NOSTRIN: variants seen among roughly 807,000 people sequenced by gnomAD.
NOSTRIN encodes BM247 homolog.
NOSTRIN carries 63 observed loss-of-function variants against 59.0 expected under a neutral mutation model. That is an observed-to-expected ratio of 1.07 (90% CI 0.87 to 1.32). The LOEUF (loss-of-function observed/expected upper bound fraction) is 1.32. Among genes scored for constraint, NOSTRIN ranks in the 40% most tolerant of loss-of-function variants. NOSTRIN has a pLI of 0.00. For synonymous variants in NOSTRIN, 200 were observed against 165.4 expected (o/e 1.21, Z -1.61); for missense variants, 512 against 473.1 (o/e 1.08, Z -0.76).
intron 7 of NOSTRIN, 139 bp from the exon 8 acceptor site, chr2:168,842,853 G>T: frequency 1.1e-5 from 7 of 628,026 alleles, no homozygotes; most frequent in South Asian, 2.9e-5. Context: ...CTTTCATTTT[G>T]TCAACTATAG....
At chr2:168,813,611 G>T (rs1465775657) in intron 2 of NOSTRIN, among the ~76,000 whole-genome samples, 27 of 152,160 alleles carry the variant, frequency 1.8e-4, no homozygotes, top group Admixed American at 5.9e-4. Context: ...TTATTCTAGA[G>T]TGACAAACAT....
At chr2:168,864,705 T>C in intron 15 of NOSTRIN, 129 bp from the exon 16 acceptor site, 5 of 1,041,050 alleles carry the variant, frequency 4.8e-6, no homozygotes, top group Non-Finnish European at 7.0e-6. Context: ...TGGCTTCATC[T>C]GAATCAAGTG....
At chr2:168,828,636 T>TA (rs1367405447) in intron 5 of NOSTRIN, 135 bp downstream of exon 5, 4 of 394,616 alleles carry the variant, frequency 1.0e-5, no homozygotes, top group Non-Finnish European at 1.8e-5. Flanking sequence ...TACTTTTATT[T>TA]ATTTTAAAAT....
intron 10 of NOSTRIN, among the ~76,000 whole-genome samples, chr2:168,853,027 G>T (rs1253658132): frequency 6.6e-6 from 1 of 152,146 alleles, no homozygotes; most frequent in East Asian, 1.9e-4. Flanking sequence ...TCAATAAAAT[G>T]AGGATTATTC....
chr2:168,805,916 G>A (rs532109497), intron 1 of NOSTRIN, among the ~76,000 whole-genome samples: 3 of 152,318 alleles, frequency 2.0e-5, no homozygotes, highest in South Asian at 4.1e-4. Context: ...AGCCTCCCCA[G>A]TGTGCATCAG....
chr2:168,848,220 C>G (rs1688542827), intron 8 of NOSTRIN, among the ~76,000 whole-genome samples: 2 of 152,198 alleles, frequency 1.3e-5, no homozygotes, highest in Non-Finnish European at 2.9e-5. Context: ...TTTTAAGAAG[C>G]AAAACATTTG....
chr2:168,845,790 CTTTTTTT>C (rs3216710), intron 8 of NOSTRIN, among the ~76,000 whole-genome samples: 3 of 140,630 alleles, frequency 2.1e-5, no homozygotes, highest in Non-Finnish European at 4.6e-5. Flanking sequence ...TTTTTTCTTC[CTTTTTTT>C]TTTTTTTTTT....
chr2:168,849,022 A>G (rs1688590912), intron 8 of NOSTRIN, among the ~76,000 whole-genome samples: 1 of 152,224 alleles, frequency 6.6e-6, no homozygotes, highest in African/African-American at 2.4e-5. Flanking sequence ...TGAATTAACA[A>G]CACAGGGATA....
chr2:168,862,819 C>T lies in NOSTRIN; in HGVS notation c.1384+770C>T, dbSNP rs16856065. Among the ~76,000 whole-genome samples, 751 of 152,170 alleles carry T rather than the reference C, an allele frequency of 4.9e-3. 9 individuals are homozygous for T. The East Asian group carries it at 0.055, about 11-fold the overall frequency. Reference sequence around the variant, plus strand: ...TAGCGCTAATGCAGAGATCTGGAAACGGAAGGGTTAGTGAGAAAGAGTAAC... The same window carrying T: ...TAGCGCTAATGCAGAGATCTGGAAATGGAAGGGTTAGTGAGAAAGAGTAAC... On this transcript the variant is annotated intron_variant, in intron 15 of 15. Coordinates refer to ENST00000317647, the MANE Select transcript of NOSTRIN (RefSeq NM_001039724.4).
rs1483148468 is a variant in NOSTRIN, at chr2:168,861,951, C to T, written c.1295-9C>T. On this transcript the variant is annotated splice_polypyrimidine_tract_variant and intron_variant, in intron 14 of 15. Transcript: ENST00000317647. ...CACAGCATACTAATTACAGCTTTAT[C>T]TATTTCAGCCCCTGGTGCAGCCCAG... The T allele has an allele frequency of 1.9e-6, 3 of 1,613,586 alleles. No homozygotes were observed. Among genetic ancestry groups the T allele is most frequent in the Non-Finnish European group, 2.5e-6 (3 of 1,179,636 alleles).
upstream of NOSTRIN, among the ~76,000 whole-genome samples, chr2:168,794,353 A>ATTTT (rs61395235): frequency 6.9e-3 from 983 of 141,624 alleles, 8 homozygotes; most frequent in Non-Finnish European, 9.7e-3. Flanking sequence ...AAAAGGGATG[A>ATTTT]TTTTTTTTTT....
upstream of NOSTRIN, among the ~76,000 whole-genome samples, chr2:168,794,890 G>A (rs556907033): frequency 3.3e-5 from 5 of 152,310 alleles, no homozygotes; most frequent in African/African-American, 1.2e-4. Context: ...ACTGCACCTG[G>A]CTCTTAGTAA....
intron 11 of NOSTRIN, 93 bp downstream of exon 11, chr2:168,855,553 G>A (rs546912471): frequency 2.6e-5 from 15 of 573,040 alleles, no homozygotes; most frequent in Non-Finnish European, 4.2e-5. Context: ...TTTGCTATTT[G>A]GCAGGGGTCT....
At chr2:168,831,681 A>G in intron 6 of NOSTRIN, 147 bp downstream of exon 6, 1 of 594,948 alleles carries the variant, frequency 1.7e-6, no homozygotes, top group Non-Finnish European at 3.1e-6. Context: ...GTTGTTACAC[A>G]GATATATTTT....
rs552911828 is a variant in NOSTRIN at position 168,862,877 on chromosome 2, G to A, written c.1384+828G>A. On this transcript the variant is annotated intron_variant, in intron 15 of 15. Transcript: ENST00000317647. ...GAGAAAGAATATTATCCACGACAAG[G>A]ACATGGCTCCCAGAGCCAATGGAAA... Among the ~76,000 whole-genome samples, 5 of 152,310 alleles carry A rather than the reference G, an allele frequency of 3.3e-5. No individual in the cohort carries two copies. In the East Asian group the frequency reaches 9.6e-4, roughly 29 times the overall value.
Position 168,864,982 on chromosome 2 carries a change from G to A in NOSTRIN, c.*12G>A, listed in dbSNP as rs370163673. On this transcript the variant is annotated 3_prime_UTR_variant, in exon 16 of 16. Coordinates refer to ENST00000317647, the MANE Select transcript of NOSTRIN (RefSeq NM_001039724.4). ...CTACAAAGGCATAAAACAAGACTCTGAACATACTACCTTCACACTCGGTAA... is the reference window on the plus strand; with the variant it reads ...CTACAAAGGCATAAAACAAGACTCTAAACATACTACCTTCACACTCGGTAA... The A allele has an allele frequency of 6.2e-7, 1 of 1,613,568 alleles. No individual in the cohort carries two copies. The highest frequency in any genetic ancestry group is 1.7e-5 in the Admixed American group (1 of 59,996).
intron 3 of NOSTRIN, among the ~76,000 whole-genome samples, chr2:168,825,089 A>G (rs1466949709): frequency 6.6e-6 from 1 of 152,222 alleles, no homozygotes; most frequent in Non-Finnish European, 1.5e-5. Flanking sequence ...AAAAAGTGAC[A>G]TGTTCCATTC....
intron 2 of NOSTRIN, among the ~76,000 whole-genome samples, chr2:168,814,938 G>A (rs1470876500): frequency 2.0e-5 from 3 of 152,200 alleles, no homozygotes; most frequent in Non-Finnish European, 2.9e-5. Flanking sequence ...ATGAAAGATA[G>A]TTAAGGGTTT....
chr2:168,811,729 A>G, intron 2 of NOSTRIN, 77 bp downstream of exon 2: 2 of 622,242 alleles, frequency 3.2e-6, no homozygotes, highest in Admixed American at 3.3e-5. Context: ...GAGTGATTAC[A>G]AGCTGTCCTA....
Sources: gnomAD v4.1 joint callset for allele counts (sites outside exome capture counted in the v4.1 genomes callset) on GRCh38, gnomAD v4.1.1 for gene constraint, MANE v1.5 for transcripts, NCBI Gene and HGNC (gene_info 2026-07-23, HGNC 2026-07-21) for gene names.